XYLB: variants seen among roughly 807,000 people sequenced by gnomAD.
The protein encoded by XYLB is xylulose kinase.
XYLB carries 62 observed loss-of-function variants against 78.7 expected under a neutral mutation model. The observed-to-expected ratio is 0.79, with a 90% CI of 0.64 to 0.97. The LOEUF is 0.97. XYLB is among the 50% of genes least tolerant of loss of function. The pLI, the probability that XYLB is intolerant of heterozygous loss-of-function variation, is 0.00. For missense variants in XYLB, 687 were observed against 676.8 expected (o/e 1.02, Z -0.17); for synonymous variants, 245 against 247.4 (o/e 0.99, Z 0.09).
At chr3:38,369,141 A>G (rs818833) in intron 8 of XYLB, among the ~76,000 whole-genome samples, 135,866 of 152,066 alleles carry the variant, frequency 0.89, 61,284 homozygotes, top group East Asian at 1. Context: ...CCTCGTGGGA[A>G]TTCATGGGAA....
At chr3:38,409,450 A>G (rs1040945090) in intron 18 of XYLB, among the ~76,000 whole-genome samples, 8 of 152,188 alleles carry the variant, frequency 5.3e-5, no homozygotes, top group Non-Finnish European at 8.8e-5. Flanking sequence ...GGCAAAAACT[A>G]GAAGCATTCC....
chr3:38,412,843 A>G, intron 18 of XYLB, 93 bp from the exon 19 acceptor site: 2 of 1,103,924 alleles, frequency 1.8e-6, no homozygotes, highest in Admixed American at 2.6e-5. Flanking sequence ...AATTGCAAGT[A>G]AACGGGATTT....
intron 2 of XYLB, among the ~76,000 whole-genome samples, chr3:38,353,053 G>A (rs2669607): frequency 0.89 from 135,701 of 152,206 alleles, 61,145 homozygotes; most frequent in East Asian, 1. Flanking sequence ...TTATTGCCAC[G>A]CACAGATATT....
intron 15 of XYLB, among the ~76,000 whole-genome samples, chr3:38,388,197 T>C (rs1316078344): frequency 3.3e-5 from 5 of 150,038 alleles, no homozygotes; most frequent in South Asian, 2.1e-4. Context: ...TTTTTACTTT[T>C]ATCATTTAAT....
intron 2 of XYLB, 131 bp downstream of exon 2, chr3:38,348,763 C>T (rs1705205576): frequency 1.3e-6 from 1 of 747,910 alleles, no homozygotes; most frequent in Admixed American, 2.4e-5. Flanking sequence ...GCAGACCTTT[C>T]AAGCATCTTT....
downstream of XYLB, among the ~76,000 whole-genome samples, chr3:38,419,603 T>TATATATATATATATATATA (rs71085322): frequency 9.9e-5 from 8 of 80,886 alleles, no homozygotes; most frequent in South Asian, 4.8e-4. Flanking sequence ...TATATATATA[T>TATATATATATATATATATA]AATAGCCATC....
At chr3:38,391,730 T>C (rs1707665019) in intron 15 of XYLB, among the ~76,000 whole-genome samples, 1 of 152,222 alleles carries the variant, frequency 6.6e-6, no homozygotes, top group Non-Finnish European at 1.5e-5. Context: ...AATGCCACTA[T>C]AAAAGTGCTT....
chr3:38,365,383 C>A, intron 5 of XYLB, 98 bp downstream of exon 5: 1 of 1,403,864 alleles, frequency 7.1e-7, no homozygotes, highest in Non-Finnish European at 9.9e-7. Flanking sequence ...CAGCTGTGCT[C>A]ACGCGCCCTC....
chr3:38,450,502 A>G, the XYLB span, among the ~76,000 whole-genome samples: 1 of 152,202 alleles, frequency 6.6e-6, no homozygotes, highest in Non-Finnish European at 1.5e-5. Context: ...AACACACTGA[A>G]TGCCTTAATG....
intron 9 of XYLB, among the ~76,000 whole-genome samples, chr3:38,372,164 C>A (rs1391951659): frequency 6.6e-6 from 1 of 152,194 alleles, no homozygotes; most frequent in African/African-American, 2.4e-5. Context: ...GCCCTCCCTG[C>A]ACTCTGTCTT....
chr3:38,417,162 G>T (rs1435515314), downstream of XYLB, among the ~76,000 whole-genome samples: 1 of 152,198 alleles, frequency 6.6e-6, no homozygotes, highest in African/African-American at 2.4e-5. Flanking sequence ...TAGGGCAAGC[G>T]TGATGGCCCA....
the XYLB span, among the ~76,000 whole-genome samples, chr3:38,428,528 T>C: frequency 6.6e-6 from 1 of 152,212 alleles, no homozygotes; most frequent in African/African-American, 2.4e-5. Context: ...TTTGGGACTG[T>C]TATATCTTCA....
intron 9 of XYLB, among the ~76,000 whole-genome samples, chr3:38,372,214 T>G (rs116508158): frequency 0.014 from 2,197 of 152,280 alleles, 71 homozygotes; most frequent in African/African-American, 0.051. Context: ...CTCTGCACGT[T>G]CACGTCCAAT....
At chr3:38,445,612 A>G in the XYLB span, among the ~76,000 whole-genome samples, 1 of 152,226 alleles carries the variant, frequency 6.6e-6, no homozygotes, top group Non-Finnish European at 1.5e-5. Flanking sequence ...GTCAACCAAC[A>G]TTTTGTTGGG....
intron 18 of XYLB, among the ~76,000 whole-genome samples, chr3:38,410,103 T>C (rs999196391): frequency 4.6e-5 from 7 of 152,176 alleles, no homozygotes; most frequent in African/African-American, 1.4e-4. Context: ...AGAACAAAGC[T>C]GGAGGCATCA....
intron 2 of XYLB, among the ~76,000 whole-genome samples, chr3:38,357,706 T>C (rs1705735502): frequency 6.6e-6 from 1 of 152,184 alleles, no homozygotes; most frequent in Non-Finnish European, 1.5e-5. Context: ...TTATTGACTG[T>C]CTTTTTAATT....
rs760657644 is a variant in XYLB at position 38,374,510 on chromosome 3, G to A, written c.888+8G>A. ...GAGGAAGGTGACATTGCGGTAAGGC[G>A]ACTTCCCACACCCATAGGCTCTTTC... On this transcript the variant is annotated splice_region_variant and intron_variant, in intron 11 of 18. Coordinates refer to ENST00000207870, the MANE Select transcript of XYLB (RefSeq NM_005108.4). The A allele has an allele frequency of 6.2e-6, 10 of 1,613,384 alleles. No individual in the cohort carries two copies. Among genetic ancestry groups the A allele is most frequent in the Admixed American group, 1.7e-5 (1 of 59,968 alleles).
intron 15 of XYLB, among the ~76,000 whole-genome samples, chr3:38,391,221 A>G (rs1307409691): frequency 6.0e-4 from 1 of 1,678 alleles, no homozygotes; most frequent in Non-Finnish European, 2.3e-3. Flanking sequence ...CTCAAAAACA[A>G]CAACAACAAC....
intron 14 of XYLB, among the ~76,000 whole-genome samples, chr3:38,378,996 G>A (rs2125611142): frequency 6.6e-6 from 1 of 152,048 alleles, no homozygotes; most frequent in Non-Finnish European, 1.5e-5. Flanking sequence ...ACTCTCAGCT[G>A]CCTGAGACTA....
Sources: allele counts gnomAD v4.1 joint callset (sites outside exome capture counted in the v4.1 genomes callset), GRCh38; gene constraint gnomAD v4.1.1; transcripts MANE v1.5; gene names NCBI Gene and HGNC (gene_info 2026-07-23, HGNC 2026-07-21).